CORIN: variants seen among roughly 807,000 people sequenced by gnomAD.
CORIN encodes the protein corin, serine peptidase.
A neutral mutation model predicts 125.3 loss-of-function variants in CORIN; 117 were observed. That is an observed-to-expected ratio of 0.93 (90% CI 0.80 to 1.09). CORIN has a LOEUF of 1.09. Ranked by LOEUF, CORIN falls within the 50% of genes least tolerant of loss-of-function variation. The probability of loss-of-function intolerance (pLI) is 0.00; values close to 1 mark genes in which losing one functional copy is unlikely to be tolerated. For missense variants in CORIN, 1,253 were observed against 1,306.7 expected (o/e 0.96, Z 0.63); for synonymous variants, 450 against 466.4 (o/e 0.96, Z 0.45).
intron 4 of CORIN, 65 bp from the exon 5 acceptor site, chr4:47,744,648 T>A: frequency 6.9e-7 from 1 of 1,440,080 alleles, no homozygotes. Flanking sequence ...GAAATAATAG[T>A]GAAATTAAAG....
chr4:47,746,189 C>T (rs939850415), intron 4 of CORIN, among the ~76,000 whole-genome samples: 1 of 152,054 alleles, frequency 6.6e-6, no homozygotes. Context: ...GAGAAGTTAG[C>T]GAATATACTT....
At chr4:47,820,127 A>G (rs1466912095) in intron 1 of CORIN, among the ~76,000 whole-genome samples, 3 of 152,154 alleles carry the variant, frequency 2.0e-5, no homozygotes, top group African/African-American at 4.8e-5. Context: ...GGTTTCAACT[A>G]TTGTTCATGC....
In CORIN at chr4:47,669,572, C is replaced by CT. The variant is rs1206820586; in HGVS notation, c.1358-4310dup. On this transcript the variant is annotated intron_variant, in intron 10 of 21. Coordinates refer to ENST00000273857, the MANE Select transcript of CORIN (RefSeq NM_006587.4). Reference sequence around the variant, plus strand: ...GCTCTTCTATATATATATATATATGCTTTTTTTTTTTTTTGTGACAGAGTC... The same window carrying CT: ...GCTCTTCTATATATATATATATATGCTTTTTTTTTTTTTTTGTGACAGAGTC... 3.8e-3 allele frequency among the ~76,000 whole-genome samples: 517 copies of CT among 135,480 alleles called. 1 individual carries two copies. Among genetic ancestry groups the CT allele is most frequent in the African/African-American group, 7.7e-3 (277 of 35,846 alleles). The allele number at this position is 135,480 out of a possible 152,430, so 88.9% of individuals were successfully genotyped here.
intron 19 of CORIN, among the ~76,000 whole-genome samples, chr4:47,620,344 C>T (rs1357223683): frequency 2.0e-5 from 3 of 152,128 alleles, no homozygotes; most frequent in African/African-American, 7.2e-5. Context: ...AATTTTAAAA[C>T]TTATAATAAA....
intron 17 of CORIN, among the ~76,000 whole-genome samples, chr4:47,624,347 A>G (rs1267351787): frequency 6.6e-6 from 1 of 152,190 alleles, no homozygotes; most frequent in African/African-American, 2.4e-5. Context: ...TTTTAGAGTC[A>G]GTGGTGAGGA....
rs930307589 is a variant in CORIN, at chr4:47,705,825, G to A, written c.800-12742C>T. Among the ~76,000 whole-genome samples, 7 of 151,020 alleles carry A rather than the reference G, an allele frequency of 4.6e-5. No homozygotes were observed. In the South Asian group the frequency reaches 8.3e-4, roughly 18 times the overall value. On this transcript the variant is annotated intron_variant, in intron 5 of 21. Coordinates refer to ENST00000273857, the MANE Select transcript of CORIN (RefSeq NM_006587.4). ...CATCATAAATTCAAGCACACGGCCC[G>A]TAAAATATTTGTGAAGTGCCCCCCG... is the stretch of plus-strand genomic sequence containing the variant.
intron 14 of CORIN, 79 bp downstream of exon 14, chr4:47,645,000 CTT>C (rs946936175): frequency 1.9e-5 from 15 of 771,600 alleles, no homozygotes; most frequent in Non-Finnish European, 2.7e-5. Flanking sequence ...TATTTACACA[CTT>C]TTAGCTTGTA....
intron 7 of CORIN, 85 bp from the exon 8 acceptor site, chr4:47,680,336 G>T: frequency 2.2e-6 from 2 of 924,254 alleles, no homozygotes; most frequent in Non-Finnish European, 3.4e-6. Flanking sequence ...CCATCGAAGA[G>T]AGTCTGTTCC....
chr4:47,632,782 T>C (rs536334855), intron 16 of CORIN, among the ~76,000 whole-genome samples: 6 of 94,544 alleles, frequency 6.3e-5, no homozygotes, highest in Admixed American at 2.5e-4. Context: ...GATAGTTAGA[T>C]AGATTTTTTT....
intron 16 of CORIN, among the ~76,000 whole-genome samples, chr4:47,631,165 T>A (rs1374787796): frequency 6.6e-6 from 1 of 150,500 alleles, no homozygotes; most frequent in Admixed American, 6.7e-5. Flanking sequence ...CACTAGCAAG[T>A]AAGACCCCAT....
At chr4:47,799,859 T>C (rs1281515238) in intron 2 of CORIN, among the ~76,000 whole-genome samples, 2 of 152,134 alleles carry the variant, frequency 1.3e-5, no homozygotes, top group East Asian at 3.8e-4. Context: ...CAAATGTCTA[T>C]CAATTGACAA....
chr4:47,607,076 A>C (rs1003563595), intron 19 of CORIN, among the ~76,000 whole-genome samples: 8 of 152,224 alleles, frequency 5.3e-5, no homozygotes, highest in African/African-American at 1.7e-4. Context: ...TATTGAGATT[A>C]ATGTAATTCT....
At chr4:47,745,087 C>T (rs1728601294) in intron 4 of CORIN, among the ~76,000 whole-genome samples, 1 of 152,166 alleles carries the variant, frequency 6.6e-6, no homozygotes, top group South Asian at 2.1e-4. Context: ...AGATGAGTGG[C>T]AACTTGGAAG....
Position 47,655,348 on chromosome 4 carries a change from G to A in CORIN, c.1736-1688C>T, listed in dbSNP as rs566733675. On this transcript the variant is annotated intron_variant, in intron 12 of 21. Transcript: ENST00000273857. ...CTTAGGTACCAGGCTTGGCCACAGC[G>A]GGGTAGAACATCAAGTGAATTCTTG... is the stretch of plus-strand genomic sequence containing the variant. 3.4e-4 allele frequency among the ~76,000 whole-genome samples: 52 copies of A among 152,266 alleles called. 1 individual carries two copies. The highest frequency in any genetic ancestry group is 1.2e-3 in the African/African-American group (48 of 41,560).
chr4:47,742,180 T>A (rs1728435857), intron 5 of CORIN, among the ~76,000 whole-genome samples: 1 of 151,974 alleles, frequency 6.6e-6, no homozygotes, highest in Non-Finnish European at 1.5e-5. Context: ...CAGGATTTTT[T>A]AAAAAGTCTT....
At chr4:47,803,311 T>C (rs995384609) in intron 2 of CORIN, among the ~76,000 whole-genome samples, 1 of 152,226 alleles carries the variant, frequency 6.6e-6, no homozygotes, top group Non-Finnish European at 1.5e-5. Flanking sequence ...ATGCAATCCC[T>C]ATCCAAATAC....
chr4:47,698,271 A>G (rs1003731665), intron 5 of CORIN, among the ~76,000 whole-genome samples: 29 of 151,808 alleles, frequency 1.9e-4, no homozygotes, highest in African/African-American at 6.8e-4. Context: ...TAACATTAAT[A>G]TTATTAATAT....
intron 2 of CORIN, among the ~76,000 whole-genome samples, chr4:47,800,888 C>T (rs1272706689): frequency 6.6e-6 from 1 of 152,118 alleles, no homozygotes; most frequent in Non-Finnish European, 1.5e-5. Context: ...TTGTCTTCCC[C>T]TTAAACACTA....
chr4:47,690,974 G>T (rs1725738516), intron 6 of CORIN, among the ~76,000 whole-genome samples: 1 of 152,150 alleles, frequency 6.6e-6, no homozygotes, highest in South Asian at 2.1e-4. Context: ...CGGACCAAAA[G>T]ATCATTTTTG....
Sources: gnomAD v4.1 joint callset for allele counts (sites outside exome capture counted in the v4.1 genomes callset) on GRCh38, gnomAD v4.1.1 for gene constraint, MANE v1.5 for transcripts, NCBI Gene and HGNC (gene_info 2026-07-23, HGNC 2026-07-21) for gene names.